TEX36: variants seen among roughly 807,000 people sequenced by gnomAD.
The protein encoded by TEX36 is testis expressed 36, also known as testis-expressed protein 36.
Under a neutral mutation model 13.6 loss-of-function variants are expected in TEX36, and 12 were observed. The ratio of observed to expected loss-of-function variants is 0.88; its 90% CI spans 0.56 to 1.43. The LOEUF is 1.43. Among genes scored for constraint, TEX36 ranks in the 40% most tolerant of loss-of-function variants. The pLI, the probability that TEX36 is intolerant of heterozygous loss-of-function variation, is 0.00. For missense variants in TEX36, 224 were observed against 228.3 expected (o/e 0.98, Z 0.12); for synonymous variants, 93 against 83.0 (o/e 1.12, Z -0.65).
chr10:125,577,132 C>G (rs1330551614), intron 3 of TEX36, among the ~76,000 whole-genome samples: 3 of 152,154 alleles, frequency 2.0e-5, no homozygotes, highest in Non-Finnish European at 4.4e-5. Flanking sequence ...CAGCCCTCAG[C>G]AGAAGCACAG....
intron 3 of TEX36, among the ~76,000 whole-genome samples, chr10:125,606,097 T>C (rs1036302175): frequency 6.6e-6 from 1 of 152,188 alleles, no homozygotes; most frequent in African/African-American, 2.4e-5. Context: ...CTGAAGACAT[T>C]CTTAGACTGT....
At chr10:125,653,960 T>A (rs1247492822), downstream of TEX36, among the ~76,000 whole-genome samples, 1 of 152,106 alleles carries the variant, frequency 6.6e-6, no homozygotes, top group Non-Finnish European at 1.5e-5. Flanking sequence ...CAGAGCTAGA[T>A]CCTGTCTCTT....
rs1846502855 is a variant in TEX36 at position 125,627,534 on chromosome 10, C to T, written c.265-5889G>A. Reference sequence around the variant, plus strand: ...TGTCTTTAATTTAAAACGTCATTTTCTATTTAAGCATTGCATTTTACATTA... The same window carrying T: ...TGTCTTTAATTTAAAACGTCATTTTTTATTTAAGCATTGCATTTTACATTA... On this transcript the variant is annotated intron_variant, in intron 3 of 3. Coordinates refer to the TEX36 transcript ENST00000526819. Among the ~76,000 whole-genome samples the T allele has an allele frequency of 2.6e-5, 4 of 152,128 alleles. No individual in the cohort carries two copies. In the South Asian group the frequency reaches 8.3e-4, roughly 31 times the overall value.
At chr10:125,581,420 C>A (rs1190448707) in intron 3 of TEX36, among the ~76,000 whole-genome samples, 2 of 152,208 alleles carry the variant, frequency 1.3e-5, no homozygotes, top group Admixed American at 1.3e-4. Flanking sequence ...TCCTGCGTAA[C>A]TCGCCCCTCG....
chr10:125,640,134 C>G, intron 3 of TEX36: 1 of 985,000 alleles, frequency 1.0e-6, no homozygotes, highest in Non-Finnish European at 1.2e-6. Context: ...TGGGATTGTC[C>G]CCTGCAGATG....
intron 3 of TEX36, among the ~76,000 whole-genome samples, chr10:125,657,355 G>A (rs1846964345): frequency 6.6e-6 from 1 of 152,106 alleles, no homozygotes; most frequent in South Asian, 2.1e-4. Context: ...GACTGGGGAG[G>A]GATGTACTCC....
rs547915425 is a variant in TEX36, at chr10:125,647,410, G to A, written c.264+13611C>T. The stretch of plus-strand genomic sequence containing the variant: ...GGAAATTGTGGATATAAGCGGGAGA[G>A]TGGGTATACAGGAACTCTGAACTTT... On this transcript the variant is annotated intron_variant, in intron 3 of 3. Coordinates refer to the TEX36 transcript ENST00000526819. Among the ~76,000 whole-genome samples the A allele has an allele frequency of 1.1e-3, 175 of 152,320 alleles. 2 individuals are homozygous for A. Among genetic ancestry groups the A allele is most frequent in the African/African-American group, 4.2e-3 (173 of 41,572 alleles).
intron 3 of TEX36, among the ~76,000 whole-genome samples, chr10:125,638,074 C>A (rs1247631248): frequency 6.6e-6 from 1 of 152,094 alleles, no homozygotes; most frequent in Non-Finnish European, 1.5e-5. Flanking sequence ...CCCTCACTCA[C>A]TCCAGAGAAA....
chr10:125,588,654 G>A (rs938771994), intron 3 of TEX36, among the ~76,000 whole-genome samples: 2 of 152,082 alleles, frequency 1.3e-5, no homozygotes, highest in Non-Finnish European at 2.9e-5. Context: ...TCGAGCTGTC[G>A]CCCATGCTGG....
chr10:125,631,864 A>C (rs1299995048), intron 3 of TEX36, among the ~76,000 whole-genome samples: 2 of 152,180 alleles, frequency 1.3e-5, no homozygotes, highest in Non-Finnish European at 2.9e-5. Flanking sequence ...GTCAGGGGCC[A>C]TGCAGGGAGG....
At chr10:125,677,969 A>C (rs1847336203) in intron 1 of TEX36, among the ~76,000 whole-genome samples, 1 of 152,244 alleles carries the variant, frequency 6.6e-6, no homozygotes, top group Admixed American at 6.5e-5. Context: ...GGCATGAGCC[A>C]CTGCACCCAG....
chr10:125,613,155 C>T (rs1271044951), intron 3 of TEX36, among the ~76,000 whole-genome samples: 7 of 150,648 alleles, frequency 4.6e-5, no homozygotes, highest in African/African-American at 1.2e-4. Context: ...CCAGCTCTGC[C>T]GCTCGGCTGG....
At chr10:125,625,598 T>C (rs1224944478) in intron 3 of TEX36, among the ~76,000 whole-genome samples, 3 of 152,222 alleles carry the variant, frequency 2.0e-5, no homozygotes, top group African/African-American at 7.2e-5. Context: ...CATGACACAG[T>C]TGTTATAAAT....
At chr10:125,656,220 CGAA>C in intron 3 of TEX36, 24 bp from the exon 4 acceptor site, 1 of 905,582 alleles carries the variant, frequency 1.1e-6, no homozygotes, top group Middle Eastern at 3.1e-4. Context: ...TTACAAGATT[CGAA>C]GGAAAATATT....
downstream of TEX36, among the ~76,000 whole-genome samples, chr10:125,621,422 T>C (rs780939745): frequency 2.6e-5 from 4 of 152,044 alleles, no homozygotes; most frequent in Non-Finnish European, 5.9e-5. Context: ...TCATTTTGCT[T>C]TTGATGTGCA....
chr10:125,608,047 A>G (rs569522222), intron 3 of TEX36, among the ~76,000 whole-genome samples: 142 of 152,316 alleles, frequency 9.3e-4, no homozygotes, highest in Non-Finnish European at 4.0e-4. Context: ...TCAACGAGTC[A>G]CACAGATCTG....
chr10:125,600,297 T>A (rs1264032626), intron 3 of TEX36, among the ~76,000 whole-genome samples: 1 of 152,002 alleles, frequency 6.6e-6, no homozygotes, highest in Non-Finnish European at 1.5e-5. Context: ...TTGTGCTGGC[T>A]CACGTGTAGG....
intron 3 of TEX36, among the ~76,000 whole-genome samples, chr10:125,622,970 G>A (rs182929633): frequency 6.6e-6 from 1 of 152,324 alleles, no homozygotes; most frequent in Non-Finnish European, 1.5e-5. Context: ...AGAACATAGT[G>A]TCACAGTAAC....
intron 3 of TEX36, among the ~76,000 whole-genome samples, chr10:125,609,974 G>A (rs920254511): frequency 2.6e-5 from 4 of 152,194 alleles, no homozygotes; most frequent in Non-Finnish European, 5.9e-5. Flanking sequence ...GGTGATGAAA[G>A]CAACCCCTGG....
Sources: allele counts gnomAD v4.1 joint callset (sites outside exome capture counted in the v4.1 genomes callset), GRCh38; gene constraint gnomAD v4.1.1; transcripts MANE v1.5; gene names NCBI Gene and HGNC (gene_info 2026-07-23, HGNC 2026-07-21).